The following RHOBTB1 variants were observed in gnomAD, a reference collection of about 807,000 sequenced individuals.
RHOBTB1 encodes rho-related BTB domain-containing protein 1.
Under a neutral mutation model 71.6 loss-of-function variants are expected in RHOBTB1, and 40 were observed. That is an observed-to-expected ratio of 0.56 (90% confidence interval 0.43 to 0.73). The LOEUF (loss-of-function observed/expected upper bound fraction) is 0.73, where lower values mean the gene tolerates loss of function less well. Ranked by LOEUF, RHOBTB1 falls within the 30% of genes least tolerant of loss-of-function variation. RHOBTB1 has a pLI of 0.00. For missense variants in RHOBTB1, 797 were observed against 894.0 expected, an observed-to-expected ratio of 0.89 and a Z score of 1.38; for synonymous variants, 319 against 334.9, an observed-to-expected ratio of 0.95 and a Z score of 0.52.
Position 60,888,849 on chromosome 10 carries a change from C to T in RHOBTB1, c.819G>A (p.Gln273=). ...GATGTGCAAAGATGTGTTCCTGGTC[C>T]TGAAGGATGAACAGAACATCGGCAC... The part of the protein sequence containing the change: ...PLCADVLFIL[Q]DQEHIFAHRI... Residue 273 remains glutamine, a synonymous_variant, in exon 6 of 11, where the codon CAG becomes CAA. Transcript: ENST00000337910. The T allele has an allele frequency of 1.2e-6, 2 of 1,614,114 alleles. No homozygotes were observed. The highest frequency in any genetic ancestry group is 1.7e-6 in the Non-Finnish European group (2 of 1,180,026).
At chr10:60,911,124 A>T in intron 3 of RHOBTB1, 134 bp from the exon 4 acceptor site, 1 of 780,602 alleles carries the variant, frequency 1.3e-6, no homozygotes, top group Non-Finnish European at 2.1e-6. Flanking sequence ...ACGGGATTTA[A>T]GCTAAGTCTT....
chr10:60,968,631 G>A (rs1452135743), intron 2 of RHOBTB1, among the ~76,000 whole-genome samples: 1 of 152,084 alleles, frequency 6.6e-6, no homozygotes, highest in Non-Finnish European at 1.5e-5. Flanking sequence ...TTCAAAATGG[G>A]GAGGGAGATA....
At chr10:60,974,515 T>G (rs1426321752) in intron 2 of RHOBTB1, among the ~76,000 whole-genome samples, 1 of 152,102 alleles carries the variant, frequency 6.6e-6, no homozygotes, top group Non-Finnish European at 1.5e-5. Flanking sequence ...GCTAAATGAT[T>G]AGACAAGGTT....
At chr10:60,953,998 TG>T (rs1432634344) in intron 2 of RHOBTB1, among the ~76,000 whole-genome samples, 1 of 152,178 alleles carries the variant, frequency 6.6e-6, no homozygotes, top group South Asian at 2.1e-4. Flanking sequence ...CATGTTATTG[TG>T]GTTTAATCAA....
intron 2 of RHOBTB1, among the ~76,000 whole-genome samples, chr10:60,939,821 C>G (rs989035388): frequency 5.9e-5 from 9 of 152,134 alleles, no homozygotes; most frequent in African/African-American, 1.7e-4. Context: ...GTAAGTCATG[C>G]ATACTAACCA....
chr10:60,929,390 A>T lies in RHOBTB1; in HGVS notation c.-11+12414T>A, dbSNP rs577067046. Among the ~76,000 whole-genome samples the T allele has an allele frequency of 3.3e-5, 5 of 152,356 alleles. No individual in the cohort carries two copies. The South Asian group carries it at 8.3e-4, about 25-fold the overall frequency. ...TCTGACTTGGGCCAAATTGATATTT[A>T]TACGAAAGCAACATAAAGTTGTTCT... is the stretch of plus-strand genomic sequence containing the variant. On this transcript the variant is annotated intron_variant, in intron 2 of 10. Coordinates refer to ENST00000337910, the MANE Select transcript of RHOBTB1 (RefSeq NM_014836.5).
chr10:60,993,485 G>A (rs1370811876), intron 1 of RHOBTB1, among the ~76,000 whole-genome samples: 1 of 152,020 alleles, frequency 6.6e-6, no homozygotes, highest in Non-Finnish European at 1.5e-5. Context: ...CCTCTGCAAG[G>A]CATAACTGAT....
At chr10:60,899,433 C>T (rs575331214) in intron 4 of RHOBTB1, among the ~76,000 whole-genome samples, 57 of 152,254 alleles carry the variant, frequency 3.7e-4, no homozygotes, top group Non-Finnish European at 5.9e-4. Flanking sequence ...GCAAGTTGCA[C>T]GCATAAGAAA....
chr10:60,985,437 G>C (rs912817832), intron 2 of RHOBTB1, among the ~76,000 whole-genome samples: 5 of 152,334 alleles, frequency 3.3e-5, no homozygotes, highest in African/African-American at 9.6e-5. Context: ...CTGGGAAAAA[G>C]AGAAATGCCA....
chr10:60,982,839 G>A (rs1457066455), intron 2 of RHOBTB1, among the ~76,000 whole-genome samples: 1 of 152,124 alleles, frequency 6.6e-6, no homozygotes, highest in African/African-American at 2.4e-5. Context: ...ATGACATTGA[G>A]GTTGAAATTC....
chr10:60,889,328 C>G, intron 5 of RHOBTB1, 143 bp from the exon 6 acceptor site: 1 of 738,054 alleles, frequency 1.4e-6, no homozygotes, highest in Middle Eastern at 4.0e-4. Flanking sequence ...GCCACCACCT[C>G]AAGTCTTTGA....
In RHOBTB1 at chr10:60,973,587, C is replaced by T. The variant is rs1055850938; in HGVS notation, c.-62+12258G>A. On this transcript the variant is annotated intron_variant, in intron 2 of 11. Transcript: ENST00000357917. ...AGTTTCATATTCAAAAGAAACAACA[C>T]CAACAACTGAGATAATGCCATCAGT... 4.0e-5 allele frequency among the ~76,000 whole-genome samples: 6 copies of T among 151,886 alleles called. No homozygotes were observed. In the East Asian group the frequency reaches 1.2e-3, roughly 29 times the overall value.
upstream of RHOBTB1, among the ~76,000 whole-genome samples, chr10:60,948,656 T>C (rs569187121): frequency 6.6e-6 from 1 of 152,258 alleles, no homozygotes; most frequent in Non-Finnish European, 1.5e-5. Flanking sequence ...TTTTGGGGAC[T>C]AGTACTAACA....
intron 2 of RHOBTB1, among the ~76,000 whole-genome samples, chr10:60,971,945 T>C (rs1043032450): frequency 6.6e-6 from 1 of 152,032 alleles, no homozygotes; most frequent in Admixed American, 6.6e-5. Flanking sequence ...AAAAAGCTCA[T>C]CAACACTGGT....
chr10:60,868,861 A>C (rs923896311), downstream of RHOBTB1, among the ~76,000 whole-genome samples: 1 of 152,180 alleles, frequency 6.6e-6, no homozygotes, highest in Non-Finnish European at 1.5e-5. Flanking sequence ...TGGACATCTC[A>C]TTGTTTTCTT....
intron 1 of RHOBTB1, among the ~76,000 whole-genome samples, chr10:60,997,105 A>T (rs1375776606): frequency 6.8e-6 from 1 of 147,322 alleles, no homozygotes; most frequent in Non-Finnish European, 1.5e-5. Context: ...ACACACACAC[A>T]GCTTTTGCTA....
intron 4 of RHOBTB1, among the ~76,000 whole-genome samples, chr10:60,901,910 G>A (rs1289448763): frequency 6.6e-6 from 1 of 152,162 alleles, no homozygotes; most frequent in Admixed American, 6.5e-5. Context: ...ATGCTTTTCT[G>A]GGCTGAGCCA....
intron 2 of RHOBTB1, among the ~76,000 whole-genome samples, chr10:60,918,276 CTTAG>C (rs1298377978): frequency 1.3e-5 from 2 of 152,160 alleles, no homozygotes; most frequent in Non-Finnish European, 2.9e-5. Flanking sequence ...CAAATGTGAC[CTTAG>C]TTAGCCTGGT....
intron 2 of RHOBTB1, among the ~76,000 whole-genome samples, chr10:60,919,082 T>A (rs1360468179): frequency 2.0e-5 from 3 of 152,170 alleles, no homozygotes; most frequent in Non-Finnish European, 4.4e-5. Flanking sequence ...TGGTGAGCAG[T>A]CTGCTTAAAG....
Sources: gnomAD v4.1 joint callset for allele counts (sites outside exome capture counted in the v4.1 genomes callset) on GRCh38, gnomAD v4.1.1 for gene constraint, MANE v1.5 for transcripts, NCBI Gene and HGNC (gene_info 2026-07-23, HGNC 2026-07-21) for gene names.